Variants in GLIPR1 observed in about 807,000 individuals in gnomAD.
GLIPR1 encodes glioma pathogenesis-related protein 1.
Under a neutral mutation model 30.3 loss-of-function variants are expected in GLIPR1, and 38 were observed. The observed-to-expected ratio is 1.26, with a 90% CI of 0.97 to 1.65. The LOEUF (loss-of-function observed/expected upper bound fraction) is 1.65, where lower values mean the gene tolerates loss of function less well. Ranked by LOEUF, GLIPR1 falls within the 40% of genes most tolerant of loss-of-function variation. GLIPR1 has a pLI of 0.00. For synonymous variants in GLIPR1, 122 were observed against 110.6 expected (o/e 1.10, Z -0.65); for missense variants, 285 against 326.5 (o/e 0.87, Z 0.98).
chr12:75,490,078 C>G (rs1163805448), intron 2 of GLIPR1, among the ~76,000 whole-genome samples: 1 of 152,074 alleles, frequency 6.6e-6, no homozygotes, highest in Non-Finnish European at 1.5e-5. Flanking sequence ...TCGTCCAAGT[C>G]TCAGTTCAAA....
At position 75,489,078 on chromosome 12, in the gene GLIPR1, T is replaced by C. The variant is rs1048037875; in HGVS notation, c.421-1328T>C. Among the ~76,000 whole-genome samples, 8 of 152,240 alleles carry C rather than the reference T, an allele frequency of 5.3e-5. No homozygotes were observed. In the East Asian group the frequency reaches 5.8e-4, roughly 11 times the overall value. On this transcript the variant is annotated intron_variant, in intron 2 of 5. Coordinates refer to ENST00000266659, the MANE Select transcript of GLIPR1 (RefSeq NM_006851.3). ...ATCCACCTTTAAATACTCTCTTCTT[T>C]AGGCTTTTGTGACACCAAACACTCT...
At chr12:75,495,552 T>G (rs1216191430) in intron 3 of GLIPR1, 25 bp from the exon 4 acceptor site, 1 of 1,377,420 alleles carries the variant, frequency 7.3e-7, no homozygotes, top group Admixed American at 1.7e-5. Context: ...AAACTTCTAA[T>G]GGACATCCTT....
chr12:75,495,512 C>A, intron 3 of GLIPR1, 65 bp from the exon 4 acceptor site: 1 of 797,370 alleles, frequency 1.3e-6, no homozygotes, highest in Non-Finnish European at 2.2e-6. Flanking sequence ...GTTAAGGATT[C>A]ATAGTAAATT....
intron 2 of GLIPR1, among the ~76,000 whole-genome samples, chr12:75,489,426 T>G (rs898786501): frequency 1.3e-5 from 2 of 152,208 alleles, no homozygotes; most frequent in African/African-American, 4.8e-5. Context: ...CTCCATGTCT[T>G]CCAGATTTAC....
rs2046372564 is a variant in GLIPR1 at position 75,499,150 on chromosome 12, A to ATCTT, written c.*174_*177dup. On this transcript the variant is annotated 3_prime_UTR_variant, in exon 6 of 6. Coordinates refer to ENST00000266659, the MANE Select transcript of GLIPR1 (RefSeq NM_006851.3). ...TTTCCTAACTCTATCAGATAAACTC[A>ATCTT]TCTTTAGTATAAATAAGCATTATTT... The ATCTT allele has an allele frequency of 4.4e-6, 2 of 456,286 alleles. No individual in the cohort carries two copies. The highest frequency in any genetic ancestry group is 7.1e-5 in the East Asian group (2 of 28,202). The allele number at this position is 456,286 out of a possible 1,614,324, so 28.3% of individuals were successfully genotyped here.
In GLIPR1 at chr12:75,498,851, G is replaced by T. The variant is rs768215922; in HGVS notation, c.674G>T (p.Trp225Leu). The change falls in exon 6 of 6, where the codon TGG becomes TTG. Residue 225 changes from tryptophan to leucine, a missense_variant. By Grantham distance (61) the Trp-to-Leu change is moderately conservative. Coordinates refer to ENST00000266659, the MANE Select transcript of GLIPR1 (RefSeq NM_006851.3). Reference protein sequence around the residue: ...KRYYSVVYPGWPIYPRNRYTS... With the variant: ...KRYYSVVYPGLPIYPRNRYTS... ...TACTACTCTGTTGTATATCCAGGCT[G>T]GCCCATATATCCACGTAACAGATAC... The T allele has an allele frequency of 6.2e-7, 1 of 1,612,078 alleles. No individual in the cohort carries two copies. Among genetic ancestry groups the T allele is most frequent in the South Asian group, 1.1e-5 (1 of 90,960 alleles).
chr12:75,483,088 G>A (rs1594054629), intron 2 of GLIPR1, among the ~76,000 whole-genome samples: 2 of 131,898 alleles, frequency 1.5e-5, no homozygotes, highest in South Asian at 4.8e-4. Flanking sequence ...GATCTCATTC[G>A]TGGTGCTACA....
chr12:75,499,147 C>CTCA lies in GLIPR1; in HGVS notation c.*172_*174dup. 2.1e-6 allele frequency: 1 copy of CTCA among 467,472 alleles called. No individual in the cohort carries two copies. The highest frequency in any genetic ancestry group is 3.5e-5 in the East Asian group (1 of 28,828). The allele number at this position is 467,472 out of a possible 1,614,324, so 29.0% of individuals were successfully genotyped here. A position where few individuals can be genotyped will look rare whatever the true frequency, so the allele number is the denominator to read the frequency against. ...AAATTTCCTAACTCTATCAGATAAA[C>CTCA]TCATCTTTAGTATAAATAAGCATTA... On this transcript the variant is annotated 3_prime_UTR_variant, in exon 6 of 6. Coordinates refer to ENST00000266659, the MANE Select transcript of GLIPR1 (RefSeq NM_006851.3).
chr12:75,495,464 G>A (rs1017061052), intron 3 of GLIPR1, 113 bp from the exon 4 acceptor site: 31 of 631,974 alleles, frequency 4.9e-5, no homozygotes, highest in Non-Finnish European at 2.9e-6. Context: ...CCAACTCTCT[G>A]GACCTTTGTA....
chr12:75,490,307 T>TAACTAGAG (rs2120528067), intron 2 of GLIPR1, 99 bp from the exon 3 acceptor site: 2 of 682,272 alleles, frequency 2.9e-6, no homozygotes, highest in Admixed American at 5.0e-5. Flanking sequence ...TTAAGCACTC[T>TAACTAGAG]AACTAGAGTG....
chr12:75,486,906 T>G (rs377212459), intron 2 of GLIPR1, among the ~76,000 whole-genome samples: 1 of 152,172 alleles, frequency 6.6e-6, no homozygotes, highest in South Asian at 2.1e-4. Context: ...TGTATTCTTT[T>G]GTCAAAATTC....
intron 2 of GLIPR1, 108 bp downstream of exon 2, chr12:75,482,187 T>A (rs1357963041): frequency 1.0e-6 from 1 of 955,594 alleles, no homozygotes; most frequent in Non-Finnish European, 1.6e-6. Context: ...CCTGTAAATA[T>A]AAGGGAGTTA....
rs1056903 is a variant in GLIPR1 at position 75,499,624 on chromosome 12, C to A, written c.*646C>A. 320,962 of 353,276 alleles carry A rather than the reference C, an allele frequency of 0.91. 146,141 individuals are homozygous for A. The highest frequency in any genetic ancestry group is 1 in the East Asian group (19,593 of 19,624). 21.9% of individuals were successfully genotyped at this position (353,276 alleles called of 1,614,324 possible). On this transcript the variant is annotated 3_prime_UTR_variant, in exon 6 of 6. Coordinates refer to ENST00000266659, the MANE Select transcript of GLIPR1 (RefSeq NM_006851.3). ...TACAAAGACTTATATACCACTTTCT[C>A]GTATAAATTTTTCAAAAAATACAAT...
At position 75,499,711 on chromosome 12, in the gene GLIPR1, A is replaced by T; in HGVS notation, c.*733A>T. 9.6e-6 allele frequency: 7 copies of T among 725,838 alleles called. No individual in the cohort carries two copies. The highest frequency in any genetic ancestry group is 2.9e-5 in the East Asian group (1 of 34,476). The allele number at this position is 725,838 out of a possible 1,614,324, so 45.0% of individuals were successfully genotyped here. ...AACCACCACCACCAAAAAAAAAAAA[A>T]GCCCTCAGAAAATTTCTCACAAATA... On this transcript the variant is annotated 3_prime_UTR_variant, in exon 6 of 6. Coordinates refer to ENST00000266659, the MANE Select transcript of GLIPR1 (RefSeq NM_006851.3).
Position 75,487,435 on chromosome 12 carries a change from C to T in GLIPR1, c.421-2971C>T, listed in dbSNP as rs200099215. ...AACAACCCTTATAAAACTGGGCTTTCGCAGTGAGACAGAGGCCTAAGCTGA... is the reference window on the plus strand; with the variant it reads ...AACAACCCTTATAAAACTGGGCTTTTGCAGTGAGACAGAGGCCTAAGCTGA... On this transcript the variant is annotated intron_variant, in intron 2 of 5. Coordinates refer to ENST00000266659, the MANE Select transcript of GLIPR1 (RefSeq NM_006851.3). Among the ~76,000 whole-genome samples, 9 of 152,360 alleles carry T rather than the reference C, an allele frequency of 5.9e-5. No homozygotes were observed. In the East Asian group the frequency reaches 7.7e-4, roughly 13 times the overall value.
At chr12:75,485,121 A>G (rs956073417) in intron 2 of GLIPR1, among the ~76,000 whole-genome samples, 43 of 152,224 alleles carry the variant, frequency 2.8e-4, no homozygotes, top group African/African-American at 9.6e-4. Context: ...AGTGGATATT[A>G]CAACCTCCTA....
intron 2 of GLIPR1, chr12:75,483,603 G>A (rs1180731976): frequency 2.0e-5 from 3 of 152,144 alleles, no homozygotes; most frequent in Non-Finnish European, 2.9e-5. Flanking sequence ...ATGTGTAAAT[G>A]GATTATGACA....
intron 3 of GLIPR1, chr12:75,491,272 T>C (rs953529265): frequency 6.6e-6 from 1 of 152,154 alleles, no homozygotes; most frequent in Non-Finnish European, 1.5e-5. Context: ...ATGGCTCCTA[T>C]TACTACCCCT....
chr12:75,490,439 G>A lies in GLIPR1; in HGVS notation c.454G>A (p.Ala152Thr), dbSNP rs767391424. Residue 152 changes from alanine (A) to threonine (T), a missense_variant, in exon 3 of 6, where the codon GCA becomes ACA. By Grantham distance (58) the Ala-to-Thr change is moderately conservative (BLOSUM62 0). Transcript: ENST00000266659. ...GGCAGATAGTTACAAAGTTGGCTGC[G>A]CAGTTCAATTTTGCCCTAAAGTTTC... Reference protein sequence around the residue: ...VWADSYKVGCAVQFCPKVSGF... With the variant: ...VWADSYKVGCTVQFCPKVSGF... The A allele has an allele frequency of 1.1e-5, 17 of 1,601,406 alleles. No individual in the cohort carries two copies. Among genetic ancestry groups the A allele is most frequent in the East Asian group, 4.5e-5 (2 of 44,418 alleles).
Sources: gnomAD v4.1 joint callset for allele counts (sites outside exome capture counted in the v4.1 genomes callset) on GRCh38, gnomAD v4.1.1 for gene constraint, MANE v1.5 for transcripts, NCBI Gene and HGNC (gene_info 2026-07-23, HGNC 2026-07-21) for gene names.